Variants in PCCA observed in about 807,000 individuals in gnomAD.
The protein encoded by PCCA is propionyl-CoA carboxylase alpha chain, mitochondrial.
A neutral mutation model predicts 101.3 loss-of-function variants in PCCA; 74 were observed. That is an observed-to-expected ratio of 0.73 (90% confidence interval 0.61 to 0.89). The LOEUF (loss-of-function observed/expected upper bound fraction) is 0.89, where lower values mean the gene tolerates loss of function less well. PCCA is among the 40% of genes least tolerant of loss of function. The pLI, the probability that PCCA is intolerant of heterozygous loss-of-function variation, is 0.00. For missense variants in PCCA, 891 were observed against 907.0 expected (o/e 0.98, Z 0.23); for synonymous variants, 294 against 313.6 (o/e 0.94, Z 0.66).
intron 12 of PCCA, among the ~76,000 whole-genome samples, chr13:100,285,850 T>A (rs187325350): frequency 1.5e-3 from 234 of 152,286 alleles, no homozygotes; most frequent in African/African-American, 5.4e-3. Context: ...TTGTGGAGAA[T>A]GGGATACGAA....
chr13:100,362,450 G>A (rs1398153122), intron 18 of PCCA, among the ~76,000 whole-genome samples: 1 of 152,086 alleles, frequency 6.6e-6, no homozygotes, highest in Non-Finnish European at 1.5e-5. Context: ...TATGGGTTAG[G>A]CATTCTTATT....
At chr13:100,119,709 C>A (rs537571191) in intron 4 of PCCA, among the ~76,000 whole-genome samples, 1 of 152,224 alleles carries the variant, frequency 6.6e-6, no homozygotes, top group Non-Finnish European at 1.5e-5. Context: ...TTTGAGCCTC[C>A]TGGCTTTAGA....
chr13:100,503,675 G>T (rs1156545117), intron 21 of PCCA, among the ~76,000 whole-genome samples: 1 of 152,060 alleles, frequency 6.6e-6, no homozygotes, highest in African/African-American at 2.4e-5. Context: ...AGGCTGAGGG[G>T]CATGGATCGC....
intron 21 of PCCA, among the ~76,000 whole-genome samples, chr13:100,474,171 T>TA (rs1425351185): frequency 6.6e-6 from 1 of 152,216 alleles, no homozygotes; most frequent in African/African-American, 2.4e-5. Flanking sequence ...ATTTAATAAA[T>TA]ACCTGTCTAA....
intron 22 of PCCA, among the ~76,000 whole-genome samples, chr13:100,516,387 G>C (rs1172357451): frequency 6.6e-6 from 1 of 152,190 alleles, no homozygotes; most frequent in East Asian, 1.9e-4. Context: ...TTTCTCAATA[G>C]TACAGATAAA....
At chr13:100,326,553 C>A (rs1192023882) in intron 16 of PCCA, among the ~76,000 whole-genome samples, 1 of 152,010 alleles carries the variant, frequency 6.6e-6, no homozygotes, top group Admixed American at 6.6e-5. Flanking sequence ...GCAAAAAAGG[C>A]AGACAAAAAT....
intron 1 of PCCA, among the ~76,000 whole-genome samples, chr13:100,099,771 A>G (rs1013844411): frequency 1.3e-5 from 2 of 152,140 alleles, no homozygotes; most frequent in Non-Finnish European, 2.9e-5. Context: ...TGATGATAAT[A>G]TATGCAAGAC....
chr13:100,316,785 T>G (rs990060856), intron 16 of PCCA, among the ~76,000 whole-genome samples: 2 of 151,922 alleles, frequency 1.3e-5, no homozygotes, highest in Admixed American at 1.3e-4. Context: ...TATTCTTTTT[T>G]TTTTTGGAGA....
intron 19 of PCCA, among the ~76,000 whole-genome samples, chr13:100,425,205 C>A (rs976844616): frequency 6.6e-6 from 1 of 152,128 alleles, no homozygotes; most frequent in African/African-American, 2.4e-5. Flanking sequence ...ATTAAGATAA[C>A]AATGCATAGT....
At chr13:100,249,247 A>G (rs2061622154) in intron 8 of PCCA, among the ~76,000 whole-genome samples, 1 of 152,196 alleles carries the variant, frequency 6.6e-6, no homozygotes. Flanking sequence ...TTTAGGTCTG[A>G]GATCCATTTT....
At chr13:100,147,896 A>T (rs1348401370) in intron 4 of PCCA, among the ~76,000 whole-genome samples, 2 of 152,048 alleles carry the variant, frequency 1.3e-5, no homozygotes. Flanking sequence ...TTTTAATAAA[A>T]TCTGTATAAC....
chr13:100,302,444 A>G (rs571423634), intron 13 of PCCA, among the ~76,000 whole-genome samples: 1 of 151,984 alleles, frequency 6.6e-6, no homozygotes, highest in South Asian at 2.1e-4. Flanking sequence ...ATGATCTAAG[A>G]TATTTACAAA....
At chr13:100,530,013 T>C (rs936570989) in intron 23 of PCCA, 85 bp from the exon 24 acceptor site, 1 of 1,058,686 alleles carries the variant, frequency 9.4e-7, no homozygotes, top group African/African-American at 1.6e-5. Context: ...TGTGCATTTT[T>C]AGAAATGGAT....
chr13:100,292,934 C>CGTGTGTGT (rs36098330), intron 12 of PCCA, among the ~76,000 whole-genome samples: 25,338 of 147,496 alleles, frequency 0.17, 2,431 homozygotes, highest in African/African-American at 0.25. Flanking sequence ...TTTCCAAATT[C>CGTGTGTGT]GTGTGTGTGT....
chr13:100,306,552 C>T (rs1314147909), intron 14 of PCCA, among the ~76,000 whole-genome samples: 1 of 152,168 alleles, frequency 6.6e-6, no homozygotes, highest in African/African-American at 2.4e-5. Context: ...GGCTGGTTAA[C>T]AGCAATCAGC....
At chr13:100,350,597 A>G (rs2073150983) in intron 18 of PCCA, among the ~76,000 whole-genome samples, 1 of 152,242 alleles carries the variant, frequency 6.6e-6, no homozygotes, top group Non-Finnish European at 1.5e-5. Context: ...TACTAAGTGG[A>G]TAAGAAAGCA....
At chr13:100,125,135 T>TTGTGTGTGTGTGTGTGTGTGTGTG (rs3034643) in intron 4 of PCCA, among the ~76,000 whole-genome samples, 1 of 149,126 alleles carries the variant, frequency 6.7e-6, no homozygotes, top group African/African-American at 2.5e-5. Flanking sequence ...GACCTTTTAT[T>TTGTGTGTGTGTGTGTGTGTGTGTG]TGTGTGTGTG....
intron 11 of PCCA, among the ~76,000 whole-genome samples, chr13:100,271,797 G>A (rs1456141007): frequency 6.6e-6 from 1 of 152,170 alleles, no homozygotes; most frequent in Non-Finnish European, 1.5e-5. Context: ...GTTTTTAAAA[G>A]TGAAATGATA....
chr13:100,510,130 ATTTT>A (rs1195227130), intron 21 of PCCA, among the ~76,000 whole-genome samples: 1 of 152,108 alleles, frequency 6.6e-6, no homozygotes, highest in Non-Finnish European at 1.5e-5. Flanking sequence ...TGTAAAATTA[ATTTT>A]TCTTGTATCA....
Sources: allele counts gnomAD v4.1 joint callset (sites outside exome capture counted in the v4.1 genomes callset), GRCh38; gene constraint gnomAD v4.1.1; transcripts MANE v1.5; gene names NCBI Gene and HGNC (gene_info 2026-07-23, HGNC 2026-07-21).